Variants in ZFHX3 observed in about 807,000 individuals in gnomAD.
ZFHX3 encodes the protein zinc finger homeobox 3.
A neutral mutation model predicts 279.1 loss-of-function variants in ZFHX3; 42 were observed. The observed-to-expected ratio is 0.15, with a 90% CI of 0.12 to 0.19. ZFHX3 has a LOEUF of 0.19. Ranked by LOEUF, ZFHX3 falls within the 10% of genes least tolerant of loss-of-function variation. The probability of loss-of-function intolerance (pLI) is 1.00; values close to 1 mark genes in which losing one functional copy is unlikely to be tolerated. For missense variants in ZFHX3, 4,981 were observed against 4,754.0 expected (o/e 1.05, Z -1.40); for synonymous variants, 2,293 against 1,957.8 (o/e 1.17, Z -4.52).
chr16:72,944,854 GA>G (rs1038527077), intron 3 of ZFHX3, among the ~76,000 whole-genome samples: 5 of 151,086 alleles, frequency 3.3e-5, no homozygotes, highest in African/African-American at 4.9e-5. Context: ...AAGAGAGAGA[GA>G]AAAAAAACAC....
intron 1 of ZFHX3, among the ~76,000 whole-genome samples, chr16:73,856,822 C>A (rs1961741217): frequency 6.6e-6 from 1 of 152,178 alleles, no homozygotes; most frequent in Non-Finnish European, 1.5e-5. Context: ...AATGTATAAC[C>A]CTCAAAGAAA....
chr16:72,849,451 A>C (rs2037558211), intron 4 of ZFHX3, among the ~76,000 whole-genome samples: 2 of 152,188 alleles, frequency 1.3e-5, no homozygotes, highest in African/African-American at 4.8e-5. Context: ...ACCTGCCTGA[A>C]GATGAGGCCA....
intron 1 of ZFHX3, among the ~76,000 whole-genome samples, chr16:73,753,397 C>G (rs1329417364): frequency 6.6e-6 from 1 of 152,188 alleles, no homozygotes; most frequent in African/African-American, 2.4e-5. Flanking sequence ...TGGCAGCAAT[C>G]CAGAAGTGAC....
At chr16:73,052,601 T>C (rs549674086), upstream of ZFHX3, among the ~76,000 whole-genome samples, 2 of 152,322 alleles carry the variant, frequency 1.3e-5, no homozygotes, top group Admixed American at 1.3e-4. Context: ...TGGATTTCTA[T>C]TGAGGCTGTT....
At chr16:72,981,406 G>T (rs1962593478) in intron 1 of ZFHX3, among the ~76,000 whole-genome samples, 1 of 152,180 alleles carries the variant, frequency 6.6e-6, no homozygotes, top group African/African-American at 2.4e-5. Context: ...TGATTAAGAA[G>T]AATATACATC....
intron 4 of ZFHX3, among the ~76,000 whole-genome samples, chr16:73,281,026 AGAGGG>A (rs1191275988): frequency 1.4e-3 from 96 of 70,328 alleles, no homozygotes; most frequent in Middle Eastern, 7.5e-3. Context: ...AGAGGAGAGG[AGAGGG>A]GAGGGGAGGG....
chr16:73,871,271 A>C (rs1962156092), intron 1 of ZFHX3, among the ~76,000 whole-genome samples: 1 of 152,194 alleles, frequency 6.6e-6, no homozygotes, highest in South Asian at 2.1e-4. Context: ...GGCTATTAAG[A>C]TCTGAAAAGC....
chr16:73,725,421 AGAT>A (rs1213001486), intron 1 of ZFHX3, among the ~76,000 whole-genome samples: 3 of 152,038 alleles, frequency 2.0e-5, no homozygotes, highest in Non-Finnish European at 4.4e-5. Flanking sequence ...AAGACCCAGG[AGAT>A]GATAAGCTTG....
intron 6 of ZFHX3, among the ~76,000 whole-genome samples, chr16:73,136,098 C>T (rs1313420286): frequency 5.3e-5 from 8 of 152,102 alleles, no homozygotes; most frequent in African/African-American, 1.2e-4. Context: ...ACTTGTGATC[C>T]GCCCTCCTCG....
At chr16:73,818,121 G>A (rs994819883) in intron 1 of ZFHX3, among the ~76,000 whole-genome samples, 1 of 152,198 alleles carries the variant, frequency 6.6e-6, no homozygotes, top group Non-Finnish European at 1.5e-5. Context: ...AAATGCTGTA[G>A]TATATAAATC....
Position 72,958,239 on chromosome 16 carries a change from G to A in ZFHX3, c.1907C>T (p.Ser636Leu), listed in dbSNP as rs764598603. ...TTTGGGGCACTCCACGCCACTCCCC[G>A]AGGGGCACTCCCCAACCCCAAGCTC... ...LCELGVGECP[S>L]GSGVECPKCD... The change falls in exon 2 of 10, where the codon TCG becomes TTG. Residue 636 changes from serine to leucine, a missense_variant. By Grantham distance (145) the Ser-to-Leu change is moderately radical. Around this residue, in one of 7 missense-constraint regions of ZFHX3, gnomAD observed 1,068 missense variants for 935.2 expected, o/e 1.14. Coordinates refer to ENST00000268489, the MANE Select transcript of ZFHX3 (RefSeq NM_006885.4). 74 of 1,612,782 alleles carry A rather than the reference G, an allele frequency of 4.6e-5. No homozygotes were observed. The Middle Eastern group carries it at 6.6e-4, about 14-fold the overall frequency.
At chr16:73,647,557 C>T (rs1315678025) in intron 2 of ZFHX3, among the ~76,000 whole-genome samples, 1 of 152,148 alleles carries the variant, frequency 6.6e-6, no homozygotes, top group Non-Finnish European at 1.5e-5. Context: ...AGTCATGCTT[C>T]CTGTTAAGCC....
At chr16:72,989,098 AG>A (rs1962964084) in intron 1 of ZFHX3, among the ~76,000 whole-genome samples, 1 of 151,904 alleles carries the variant, frequency 6.6e-6, no homozygotes, top group Non-Finnish European at 1.5e-5. Flanking sequence ...CACTTAGCCC[AG>A]AAGTTTGAGG....
At chr16:73,716,641 ACACACACACGCATG>A (rs749057264) in intron 1 of ZFHX3, among the ~76,000 whole-genome samples, 3 of 139,016 alleles carry the variant, frequency 2.2e-5, no homozygotes, top group African/African-American at 5.1e-5. Context: ...ACACACACAC[ACACACACACGCATG>A]CACGCACGCA....
chr16:73,106,522 T>A (rs916172870), intron 7 of ZFHX3, among the ~76,000 whole-genome samples: 5 of 152,116 alleles, frequency 3.3e-5, no homozygotes, highest in African/African-American at 1.2e-4. Flanking sequence ...TCTGATATCA[T>A]CCCTTTATTG....
At chr16:73,023,427 G>C (rs1163715069) in intron 1 of ZFHX3, among the ~76,000 whole-genome samples, 2 of 152,120 alleles carry the variant, frequency 1.3e-5, no homozygotes, top group South Asian at 2.1e-4. Flanking sequence ...GAGGGTAAGG[G>C]GCGGAGGGAG....
At chr16:73,388,844 A>T (rs2016953010) in intron 3 of ZFHX3, 1 of 152,290 alleles carries the variant, frequency 6.6e-6, no homozygotes, top group Admixed American at 6.5e-5. Context: ...AAGCAAAAAG[A>T]GTGAAGCAGT....
chr16:73,106,403 G>A (rs866093258), intron 7 of ZFHX3, among the ~76,000 whole-genome samples: 10 of 152,198 alleles, frequency 6.6e-5, no homozygotes, highest in Middle Eastern at 3.4e-3. Flanking sequence ...CTAGCAGGAT[G>A]AGAACCCAGG....
intron 2 of ZFHX3, among the ~76,000 whole-genome samples, chr16:73,674,479 A>G (rs1382435590): frequency 6.6e-6 from 1 of 152,246 alleles, no homozygotes; most frequent in African/African-American, 2.4e-5. Flanking sequence ...CCAAGAGGGC[A>G]ACACAGTCAA....
Sources: gnomAD v4.1 joint callset for allele counts (sites outside exome capture counted in the v4.1 genomes callset) on GRCh38, gnomAD v4.1.1 for gene constraint, gnomAD v4.1.1 regional missense constraint, MANE v1.5 for transcripts, NCBI Gene and HGNC (gene_info 2026-07-23, HGNC 2026-07-21) for gene names.